Variants in PRKG1 observed in about 807,000 individuals in gnomAD.
The protein encoded by PRKG1 is cGMP-dependent protein kinase 1.
A neutral mutation model predicts 88.1 loss-of-function variants in PRKG1; 35 were observed. That is an observed-to-expected ratio of 0.40 (90% CI 0.30 to 0.53). The LOEUF (loss-of-function observed/expected upper bound fraction) is 0.53, where lower values mean the gene tolerates loss of function less well. PRKG1 is among the 20% of genes least tolerant of loss of function. PRKG1 has a pLI of 0.59. For synonymous variants in PRKG1, 303 were observed against 292.5 expected (o/e 1.04, Z -0.37); for missense variants, 540 against 839.8 (o/e 0.64, Z 4.41).
At chr10:52,288,451 T>C (rs1338217494) in intron 14 of PRKG1, among the ~76,000 whole-genome samples, 1 of 152,074 alleles carries the variant, frequency 6.6e-6, no homozygotes, top group East Asian at 1.9e-4. Flanking sequence ...AAGAAGCATC[T>C]TGAATGACCA....
At chr10:51,966,515 A>G (rs1476505266) in intron 5 of PRKG1, among the ~76,000 whole-genome samples, 1 of 152,026 alleles carries the variant, frequency 6.6e-6, no homozygotes, top group Non-Finnish European at 1.5e-5. Context: ...ATTTTACGTC[A>G]ATGCCATTTC....
intron 2 of PRKG1, among the ~76,000 whole-genome samples, chr10:51,340,996 TTCAAAATATCCATTCA>T (rs1183111575): frequency 6.6e-6 from 1 of 152,158 alleles, no homozygotes; most frequent in Non-Finnish European, 1.5e-5. Flanking sequence ...CGTTAGCTAA[TTCAAAATATCCATTCA>T]TCCAAAGAGT....
intron 2 of PRKG1, among the ~76,000 whole-genome samples, chr10:51,177,781 A>C (rs1320715582): frequency 2.6e-5 from 4 of 152,040 alleles, no homozygotes; most frequent in Non-Finnish European, 5.9e-5. Context: ...GGATTAATGT[A>C]TTAAATTTAA....
chr10:52,293,768 A>T, intron 17 of PRKG1, 34 bp from the exon 18 acceptor site: 3 of 1,555,426 alleles, frequency 1.9e-6, no homozygotes, highest in Admixed American at 1.7e-5. Flanking sequence ...CACTAAAAAA[A>T]ATCCACTAAA....
At chr10:51,557,396 A>G (rs570201049) in intron 3 of PRKG1, among the ~76,000 whole-genome samples, 1 of 151,584 alleles carries the variant, frequency 6.6e-6, no homozygotes, top group East Asian at 2.0e-4. Context: ...GCCTTTGGGT[A>G]GTTACTGCCT....
chr10:51,955,048 T>TTG (rs68150426), intron 5 of PRKG1, among the ~76,000 whole-genome samples: 27 of 151,652 alleles, frequency 1.8e-4, no homozygotes, highest in African/African-American at 4.1e-4. Context: ...TTTTCAGGTT[T>TTG]TGTGTGTGTG....
chr10:51,531,004 C>A (rs947534558), intron 3 of PRKG1, among the ~76,000 whole-genome samples: 3 of 151,968 alleles, frequency 2.0e-5, no homozygotes, highest in Non-Finnish European at 2.9e-5. Context: ...GAGCACAGGG[C>A]CAATTTTCTG....
chr10:51,178,948 G>T (rs116993022), intron 2 of PRKG1, among the ~76,000 whole-genome samples: 1 of 152,140 alleles, frequency 6.6e-6, no homozygotes. Flanking sequence ...GAATAAGAGA[G>T]CTTAATGCAG....
intron 3 of PRKG1, among the ~76,000 whole-genome samples, chr10:51,718,437 A>C (rs1841936674): frequency 6.6e-6 from 1 of 152,126 alleles, no homozygotes; most frequent in Admixed American, 6.5e-5. Context: ...TAGATGCATC[A>C]AGCTAGGTGC....
intron 5 of PRKG1, among the ~76,000 whole-genome samples, chr10:52,006,548 C>A (rs1318931938): frequency 1.3e-5 from 2 of 152,000 alleles, no homozygotes; most frequent in African/African-American, 4.8e-5. Flanking sequence ...AAGACTGGCC[C>A]TCTGAAATTA....
At chr10:51,926,838 C>G (rs1021355258) in intron 5 of PRKG1, among the ~76,000 whole-genome samples, 1 of 137,582 alleles carries the variant, frequency 7.3e-6, no homozygotes, top group Non-Finnish European at 1.5e-5. Context: ...ACCTCACGAT[C>G]AGCAATTCTG....
intron 1 of PRKG1, among the ~76,000 whole-genome samples, chr10:51,044,124 A>T (rs898541396): frequency 1.3e-5 from 2 of 152,184 alleles, no homozygotes; most frequent in African/African-American, 2.4e-5. Flanking sequence ...TTAATCCTCC[A>T]TGACTTCCAT....
chr10:51,953,045 T>C (rs1843222369), intron 5 of PRKG1, among the ~76,000 whole-genome samples: 1 of 152,220 alleles, frequency 6.6e-6, no homozygotes, highest in African/African-American at 2.4e-5. Flanking sequence ...ATACATTTTG[T>C]AAATTTCTTT....
chr10:51,454,634 G>C (rs369370772), intron 2 of PRKG1, among the ~76,000 whole-genome samples: 2 of 152,294 alleles, frequency 1.3e-5, no homozygotes, highest in African/African-American at 4.8e-5. Flanking sequence ...GGAAGCAAAA[G>C]AGGAGCAAAG....
At chr10:51,152,655 G>C (rs1281471720) in intron 1 of PRKG1, among the ~76,000 whole-genome samples, 1 of 151,948 alleles carries the variant, frequency 6.6e-6, no homozygotes, top group Admixed American at 6.6e-5. Flanking sequence ...CTTATGTGGA[G>C]CATTAAGTCT....
At chr10:51,970,390 C>T (rs957861883) in intron 5 of PRKG1, among the ~76,000 whole-genome samples, 1 of 151,222 alleles carries the variant, frequency 6.6e-6, no homozygotes, top group Non-Finnish European at 1.5e-5. Context: ...ATTTCTACAA[C>T]CTTTTTTTTT....
At chr10:51,751,588 G>T (rs559796615) in intron 3 of PRKG1, among the ~76,000 whole-genome samples, 22 of 152,046 alleles carry the variant, frequency 1.4e-4, no homozygotes, top group Non-Finnish European at 2.5e-4. Context: ...TATTTTATAC[G>T]TTGCATGGAA....
intron 3 of PRKG1, among the ~76,000 whole-genome samples, chr10:51,471,241 A>T (rs1254043404): frequency 1.3e-5 from 2 of 151,934 alleles, no homozygotes; most frequent in Admixed American, 1.3e-4. Context: ...AACATTCCCA[A>T]TGGCATGGGG....
chr10:51,993,961 G>C (rs189151938), intron 5 of PRKG1, among the ~76,000 whole-genome samples: 190 of 152,138 alleles, frequency 1.2e-3, no homozygotes, highest in Non-Finnish European at 2.0e-3. Context: ...TCCTTCCTTC[G>C]GTGGCCTGAG....
Sources: allele counts gnomAD v4.1 joint callset (sites outside exome capture counted in the v4.1 genomes callset), GRCh38; gene constraint gnomAD v4.1.1; transcripts MANE v1.5; gene names NCBI Gene and HGNC (gene_info 2026-07-23, HGNC 2026-07-21).